ATF7IP: variants seen among roughly 807,000 people sequenced by gnomAD.
ATF7IP encodes the protein activating transcription factor 7-interacting protein 1.
A neutral mutation model predicts 106.4 loss-of-function variants in ATF7IP; 23 were observed. The observed-to-expected ratio is 0.22, with a 90% CI of 0.16 to 0.31. The LOEUF (loss-of-function observed/expected upper bound fraction) is 0.31, where lower values mean the gene tolerates loss of function less well. Among genes scored for constraint, ATF7IP ranks in the 10% least tolerant of loss-of-function variants. The probability of loss-of-function intolerance (pLI) is 1.00; values close to 1 mark genes in which losing one functional copy is unlikely to be tolerated. For missense variants in ATF7IP, 1,334 were observed against 1,524.3 expected (o/e 0.88, Z 2.08); for synonymous variants, 542 against 539.0 (o/e 1.01, Z -0.08).
intron 13 of ATF7IP, among the ~76,000 whole-genome samples, chr12:14,494,329 A>G (rs184167421): frequency 0.34 from 31,707 of 92,820 alleles, 6,387 homozygotes; most frequent in Admixed American, 0.44. Context: ...ATATATATAT[A>G]TATATGTGTG....
At chr12:14,411,135 G>C (rs529810597) in intron 1 of ATF7IP, among the ~76,000 whole-genome samples, 6 of 152,178 alleles carry the variant, frequency 3.9e-5, no homozygotes, top group Non-Finnish European at 8.8e-5. Context: ...TTTCTCTTGG[G>C]TATATACCTA....
chr12:14,455,992 T>TG (rs1565527344), intron 6 of ATF7IP, among the ~76,000 whole-genome samples: 1 of 152,160 alleles, frequency 6.6e-6, no homozygotes. Context: ...TCCCTGGTTT[T>TG]GGGGGGAAAG....
chr12:14,444,954 T>A (rs1025179949), intron 5 of ATF7IP, among the ~76,000 whole-genome samples: 1 of 151,894 alleles, frequency 6.6e-6, no homozygotes, highest in African/African-American at 2.4e-5. Context: ...AATAATAATA[T>A]TATGCATACT....
chr12:14,476,028 G>A (rs369339738), intron 11 of ATF7IP, 60 bp downstream of exon 11: 40 of 1,177,734 alleles, frequency 3.4e-5, no homozygotes, highest in African/African-American at 7.6e-5. Context: ...GTCTTAATAC[G>A]GTACAGTATT....
intron 2 of ATF7IP, among the ~76,000 whole-genome samples, chr12:14,430,759 G>A (rs1226586073): frequency 6.6e-6 from 1 of 152,112 alleles, no homozygotes; most frequent in Non-Finnish European, 1.5e-5. Flanking sequence ...TGGCCTGTGA[G>A]CCCTGTTTTT....
rs188364959 is a variant in ATF7IP, at chr12:14,411,711, C to T, written c.-7-12198C>T. Among the ~76,000 whole-genome samples, 22 of 152,102 alleles carry T rather than the reference C, an allele frequency of 1.4e-4. No individual in the cohort carries two copies. In the East Asian group the frequency reaches 1.7e-3, roughly 12 times the overall value. Reference sequence around the variant, plus strand: ...TGGGTATATGGTTTGCAAGTATTTTCGTCCATTGTGTGAATTGTCTTTTCA... The same window carrying T: ...TGGGTATATGGTTTGCAAGTATTTTTGTCCATTGTGTGAATTGTCTTTTCA... On this transcript the variant is annotated intron_variant, in intron 1 of 14. Coordinates refer to ENST00000261168, the MANE Select transcript of ATF7IP (RefSeq NM_018179.5).
intron 1 of ATF7IP, chr12:14,419,320 T>A (rs1378784980): frequency 2.0e-5 from 3 of 152,190 alleles, no homozygotes; most frequent in Non-Finnish European, 4.4e-5. Flanking sequence ...AATTGGGTTA[T>A]TAAAAGTGAT....
At chr12:14,443,366 C>T (rs543697834) in intron 5 of ATF7IP, among the ~76,000 whole-genome samples, 1 of 152,150 alleles carries the variant, frequency 6.6e-6, no homozygotes, top group African/African-American at 2.4e-5. Flanking sequence ...TCTGTGAAAC[C>T]TCTAGCACAA....
In ATF7IP at chr12:14,470,705, C is replaced by A. The variant is rs1944009693; in HGVS notation, c.2862+4115C>A. Among the ~76,000 whole-genome samples the A allele has an allele frequency of 2.0e-5, 3 of 152,136 alleles. No individual in the cohort carries two copies. The South Asian group carries it at 6.2e-4, about 32-fold the overall frequency. On this transcript the variant is annotated intron_variant, in intron 10 of 14. Transcript: ENST00000261168. The stretch of plus-strand genomic sequence containing the variant: ...AGTAAATGTGTTAATGCATGTAAAG[C>A]ATTTAGCACAGAGTCTAATTGGAGT...
chr12:14,492,458 G>C (rs887667537), intron 13 of ATF7IP, among the ~76,000 whole-genome samples: 1 of 152,156 alleles, frequency 6.6e-6, no homozygotes, highest in African/African-American at 2.4e-5. Context: ...TCAAGGGGAC[G>C]AGGCCTCCCC....
chr12:14,424,618 A>C lies in ATF7IP; in HGVS notation c.703A>C (p.Thr235Pro). The change falls in exon 2 of 15, where the codon ACT (threonine) becomes CCT (proline). Residue 235 changes from threonine to proline, a missense_variant. By Grantham distance (38) the Thr-to-Pro change is conservative (BLOSUM62 -1). Coordinates refer to ENST00000261168, the MANE Select transcript of ATF7IP (RefSeq NM_018179.5). ...TGATGATATAGCCTCTAGTGAAATA[A>C]CTTCTGTTGATCTGGCTTCTGGAGC... The part of the protein sequence containing the change: ...AADDIASSEI[T>P]SVDLASGAPA... 6.2e-7 allele frequency: 1 copy of C among 1,613,478 alleles called. No individual in the cohort carries two copies. Among genetic ancestry groups the C allele is most frequent in the Non-Finnish European group, 8.5e-7 (1 of 1,179,890 alleles).
At chr12:14,483,897 T>C (rs1406673114) in intron 13 of ATF7IP, among the ~76,000 whole-genome samples, 1 of 152,096 alleles carries the variant, frequency 6.6e-6, no homozygotes, top group Non-Finnish European at 1.5e-5. Flanking sequence ...AATGAGTGCT[T>C]TGGTCAGAGG....
chr12:14,405,380 A>AT (rs1312577697), intron 1 of ATF7IP, among the ~76,000 whole-genome samples: 1 of 135,706 alleles, frequency 7.4e-6, no homozygotes, highest in Non-Finnish European at 1.6e-5. Context: ...ATGGAAGAGG[A>AT]TTTAGGGTCT....
rs773813758 is a variant in ATF7IP at position 14,424,571 on chromosome 12, C to G, written c.656C>G (p.Pro219Arg). Reference protein sequence around the residue: ...PIPGEPVPVEPISGDCAADDI... With the variant: ...PIPGEPVPVERISGDCAADDI... ...CCAGGTGAACCGGTCCCTGTTGAACCCATTTCTGGTGATTGTGCCGCTGAT... is the reference window on the plus strand; with the variant it reads ...CCAGGTGAACCGGTCCCTGTTGAACGCATTTCTGGTGATTGTGCCGCTGAT... The change falls in exon 2 of 15, where the codon CCC becomes CGC. Residue 219 changes from proline (P) to arginine (R), a missense_variant. Around this residue, in one of 10 missense-constraint regions of ATF7IP, gnomAD observed 438 missense variants for 405.3 expected, o/e 1.08. Coordinates refer to ENST00000261168, the MANE Select transcript of ATF7IP (RefSeq NM_018179.5). 6.2e-7 allele frequency: 1 copy of G among 1,614,146 alleles called. No individual in the cohort carries two copies. Among genetic ancestry groups the G allele is most frequent in the East Asian group, 2.2e-5 (1 of 44,880 alleles).
At chr12:14,414,608 T>C (rs1192568048) in intron 1 of ATF7IP, among the ~76,000 whole-genome samples, 2 of 152,218 alleles carry the variant, frequency 1.3e-5, no homozygotes, top group East Asian at 3.8e-4. Context: ...GTCATATTGG[T>C]CTTTTACCTC....
intron 1 of ATF7IP, among the ~76,000 whole-genome samples, chr12:14,383,217 T>C (rs978136944): frequency 1.3e-5 from 2 of 152,178 alleles, no homozygotes; most frequent in African/African-American, 2.4e-5. Flanking sequence ...GTCCAACCTG[T>C]ATTATTAGTA....
At chr12:14,468,236 C>T (rs950332316) in intron 10 of ATF7IP, among the ~76,000 whole-genome samples, 2 of 149,694 alleles carry the variant, frequency 1.3e-5, no homozygotes, top group Non-Finnish European at 3.0e-5. Flanking sequence ...CCACTTTACT[C>T]CAGCCTGGGT....
chr12:14,481,716 A>G (rs923125606), intron 13 of ATF7IP: 2 of 342,738 alleles, frequency 5.8e-6, no homozygotes, highest in African/African-American at 2.2e-5. Flanking sequence ...ACACAATTTG[A>G]TATTGGTATA....
intron 9 of ATF7IP, among the ~76,000 whole-genome samples, chr12:14,461,785 G>A (rs530028525): frequency 6.6e-6 from 1 of 152,228 alleles, no homozygotes; most frequent in South Asian, 2.1e-4. Flanking sequence ...TGTTTTGTAT[G>A]CATTCTTGAA....
Sources: gnomAD v4.1 joint callset for allele counts (sites outside exome capture counted in the v4.1 genomes callset) on GRCh38, gnomAD v4.1.1 for gene constraint, gnomAD v4.1.1 regional missense constraint, MANE v1.5 for transcripts, NCBI Gene and HGNC (gene_info 2026-07-23, HGNC 2026-07-21) for gene names.